The following TCERG1L variants were observed in gnomAD, a reference collection of about 807,000 sequenced individuals.
The protein encoded by TCERG1L is transcription elongation regulator 1-like protein.
TCERG1L carries 37 observed loss-of-function variants against 56.3 expected under a neutral mutation model. The ratio of observed to expected loss-of-function variants is 0.66; its 90% CI spans 0.51 to 0.87. TCERG1L has a LOEUF of 0.87. TCERG1L is among the 40% of genes least tolerant of loss of function. The pLI is 0.00. For synonymous variants in TCERG1L, 324 were observed against 326.3 expected, an observed-to-expected ratio of 0.99 and a Z score of 0.08; for missense variants, 799 against 774.2, an observed-to-expected ratio of 1.03 and a Z score of -0.38.
intron 9 of TCERG1L, among the ~76,000 whole-genome samples, chr10:131,114,812 A>T (rs886913835): frequency 2.6e-5 from 4 of 152,202 alleles, no homozygotes; most frequent in Non-Finnish European, 5.9e-5. Flanking sequence ...TTAGTAAGAT[A>T]AAAGGAATGT....
chr10:131,211,292 T>C (rs989230659), intron 4 of TCERG1L, among the ~76,000 whole-genome samples: 6 of 152,222 alleles, frequency 3.9e-5, no homozygotes, highest in Non-Finnish European at 5.9e-5. Flanking sequence ...CAGATGAGGC[T>C]AGAACCGGAT....
Position 131,276,549 on chromosome 10 carries a change from G to A in TCERG1L, c.671-16105C>T, listed in dbSNP as rs147293082. Among the ~76,000 whole-genome samples, 19 of 152,328 alleles carry A rather than the reference G, an allele frequency of 1.2e-4. 1 individual carries two copies. In the East Asian group the frequency reaches 3.7e-3, roughly 29 times the overall value. ...TATCCCTTGGCAGTAACAGAGCACA[G>A]GAAATTATTCTCAGCCCATGTCTCT... On this transcript the variant is annotated intron_variant, in intron 3 of 11. Transcript: ENST00000368642.
chr10:131,184,062 C>A (rs773578392), intron 4 of TCERG1L, among the ~76,000 whole-genome samples: 1 of 152,228 alleles, frequency 6.6e-6, no homozygotes, highest in Non-Finnish European at 1.5e-5. Context: ...CTGGAAGTGT[C>A]TATTTCTTGG....
At chr10:131,198,701 C>T (rs556357197) in intron 4 of TCERG1L, among the ~76,000 whole-genome samples, 46 of 152,320 alleles carry the variant, frequency 3.0e-4, no homozygotes, top group South Asian at 6.2e-4. Context: ...GGTGACTCTA[C>T]GGGTCTTTGT....
chr10:131,140,704 C>A (rs1437283555), intron 7 of TCERG1L, among the ~76,000 whole-genome samples: 1 of 152,202 alleles, frequency 6.6e-6, no homozygotes, highest in East Asian at 1.9e-4. Flanking sequence ...AACTCATCCA[C>A]AGGCAGGCAG....
At chr10:131,093,590 C>A (rs576849632) in intron 11 of TCERG1L, among the ~76,000 whole-genome samples, 14 of 152,302 alleles carry the variant, frequency 9.2e-5, no homozygotes, top group African/African-American at 3.4e-4. Flanking sequence ...GCCTCCTCAG[C>A]CGTCTCATGC....
At position 131,116,849 on chromosome 10, in the gene TCERG1L, G is replaced by A; in HGVS notation, c.1345C>T (p.Pro449Ser). The stretch of plus-strand genomic sequence containing the variant: ...AAGTGGGTCACACGCTCCTCCAGAG[G>A]CAGGAGGATCTGCGGGGGCGGCGTC... Reference protein sequence around the residue: ...TRTPPPQILLPLEERVTHFRD... With the variant: ...TRTPPPQILLSLEERVTHFRD... The change falls in exon 9 of 12, where the codon CCT becomes TCT. Residue 449 changes from proline (P) to serine (S), a missense_variant. Pro to Ser is a moderately conservative substitution (Grantham distance 74). Coordinates refer to ENST00000368642, the MANE Select transcript of TCERG1L (RefSeq NM_174937.4). 1 of 1,583,326 alleles carries A rather than the reference G, an allele frequency of 6.3e-7. No homozygotes were observed. The highest frequency in any genetic ancestry group is 8.6e-7 in the Non-Finnish European group (1 of 1,165,374).
chr10:131,221,859 C>T (rs1162257195), intron 4 of TCERG1L, among the ~76,000 whole-genome samples: 1 of 152,208 alleles, frequency 6.6e-6, no homozygotes, highest in African/African-American at 2.4e-5. Context: ...GTTGGGAGTA[C>T]CTTCCCGCAC....
intron 6 of TCERG1L, 81 bp downstream of exon 6, chr10:131,163,041 G>C (rs1845993550): frequency 9.3e-7 from 1 of 1,069,902 alleles, no homozygotes; most frequent in South Asian, 1.7e-5. Context: ...GAGACATGCA[G>C]TGTCTCTTTG....
chr10:131,098,559 T>A, intron 10 of TCERG1L, 135 bp from the exon 11 acceptor site: 1 of 1,137,900 alleles, frequency 8.8e-7, no homozygotes, highest in Non-Finnish European at 1.2e-6. Context: ...GCTGGAGTTA[T>A]GAGCAACAGC....
chr10:131,166,862 C>G lies in TCERG1L; in HGVS notation c.880G>C (p.Val294Leu). The G allele has an allele frequency of 6.2e-7, 1 of 1,612,986 alleles. No homozygotes were observed. Among genetic ancestry groups the G allele is most frequent in the Non-Finnish European group, 8.5e-7 (1 of 1,179,880 alleles). Reference sequence around the variant, plus strand: ...AGCATCAGGGCAGGAGGGCGGGCCACTCGGCCCCGCTCTGTCCTTGTATCT... The same window carrying G: ...AGCATCAGGGCAGGAGGGCGGGCCAGTCGGCCCCGCTCTGTCCTTGTATCT... ...VSDTRTERGR[V>L]ARPPALMLRA... Residue 294 changes from valine (V) to leucine (L), a missense_variant, in exon 5 of 12, where the codon GTG (valine) becomes CTG (leucine). Val to Leu is a conservative substitution (Grantham distance 32). Coordinates refer to ENST00000368642, the MANE Select transcript of TCERG1L (RefSeq NM_174937.4).
chr10:131,186,329 T>A (rs1845245512), intron 4 of TCERG1L, among the ~76,000 whole-genome samples: 1 of 152,164 alleles, frequency 6.6e-6, no homozygotes. Context: ...GCTGCTGAAT[T>A]GCTCACTTGA....
intron 9 of TCERG1L, among the ~76,000 whole-genome samples, chr10:131,115,925 C>T (rs1203151760): frequency 6.6e-6 from 1 of 151,910 alleles, no homozygotes; most frequent in Non-Finnish European, 1.5e-5. Context: ...TCTCCAGGAC[C>T]CTGGGAGTTA....
At chr10:131,174,178 G>A (rs1485237624) in intron 4 of TCERG1L, among the ~76,000 whole-genome samples, 2 of 152,174 alleles carry the variant, frequency 1.3e-5, no homozygotes, top group East Asian at 1.9e-4. Context: ...TGGAATATGA[G>A]GCCACAGTCA....
intron 11 of TCERG1L, among the ~76,000 whole-genome samples, chr10:131,094,403 T>C (rs1845219785): frequency 6.6e-6 from 1 of 152,246 alleles, no homozygotes; most frequent in African/African-American, 2.4e-5. Context: ...GGAATTATTG[T>C]GTTAAATTAT....
chr10:131,281,119 AATGGCAATAATCT>A (rs1274094308), intron 3 of TCERG1L, among the ~76,000 whole-genome samples: 1 of 152,276 alleles, frequency 6.6e-6, no homozygotes, highest in Admixed American at 6.5e-5. Context: ...TCATAATCTC[AATGGCAATAATCT>A]ACTAGCAACA....
intron 3 of TCERG1L, among the ~76,000 whole-genome samples, chr10:131,293,911 G>T (rs189965360): frequency 5.9e-5 from 9 of 152,234 alleles, no homozygotes; most frequent in Admixed American, 5.9e-4. Context: ...TTAACTTCAA[G>T]GTTGATAGGC....
In TCERG1L at chr10:131,127,288, G is replaced by A. The variant is rs372084645; in HGVS notation, c.1259+7091C>T. Among the ~76,000 whole-genome samples, 313 of 152,290 alleles carry A rather than the reference G, an allele frequency of 2.1e-3. 3 individuals are homozygous for A. In the South Asian group the frequency reaches 0.022, roughly 11 times the overall value. On this transcript the variant is annotated intron_variant, in intron 8 of 11. Transcript: ENST00000368642. ...CCCCACAGGAGCACCAGTGTGCGTG[G>A]GCAACTCCAGGCCAAACCCTGACAG...
At chr10:131,119,335 G>C (rs1845490760) in intron 8 of TCERG1L, among the ~76,000 whole-genome samples, 1 of 152,232 alleles carries the variant, frequency 6.6e-6, no homozygotes, top group Non-Finnish European at 1.5e-5. Flanking sequence ...CAGCCCATTA[G>C]AGAACTGTAT....
Sources: gnomAD v4.1 joint callset for allele counts (sites outside exome capture counted in the v4.1 genomes callset) on GRCh38, gnomAD v4.1.1 for gene constraint, MANE v1.5 for transcripts, NCBI Gene and HGNC (gene_info 2026-07-23, HGNC 2026-07-21) for gene names.